Variants in LRRC27 observed in about 807,000 individuals in gnomAD.
LRRC27 encodes leucine rich repeat containing 27, also known as leucine-rich repeat-containing protein 27.
A neutral mutation model predicts 55.0 loss-of-function variants in LRRC27; 57 were observed. That is an observed-to-expected ratio of 1.04 (90% CI 0.84 to 1.29). The LOEUF (loss-of-function observed/expected upper bound fraction) is 1.29, where lower values mean the gene tolerates loss of function less well. Ranked by LOEUF, LRRC27 falls within the 50% of genes most tolerant of loss-of-function variation. The probability of loss-of-function intolerance (pLI) is 0.00; values close to 1 mark genes in which losing one functional copy is unlikely to be tolerated. For missense variants in LRRC27, 721 were observed against 651.5 expected (o/e 1.11, Z -1.16); for synonymous variants, 278 against 251.9 (o/e 1.10, Z -0.98).
intron 4 of LRRC27, among the ~76,000 whole-genome samples, chr10:132,344,163 A>G (rs569501528): frequency 2.6e-5 from 4 of 152,066 alleles, no homozygotes; most frequent in African/African-American, 7.2e-5. Flanking sequence ...TTTTCTTTGC[A>G]TGTCTGGTAG....
chr10:132,365,195 A>C (rs1444259312), intron 9 of LRRC27, among the ~76,000 whole-genome samples: 1 of 152,254 alleles, frequency 6.6e-6, no homozygotes, highest in Non-Finnish European at 1.5e-5. Flanking sequence ...GAACTACTGA[A>C]GAAGGGATGG....
intron 2 of LRRC27, chr10:132,337,039 G>A (rs964999027): frequency 5.5e-6 from 7 of 1,265,594 alleles, no homozygotes; most frequent in Non-Finnish European, 7.1e-6. Flanking sequence ...AATGCTGCTC[G>A]CTGAGGCTTT....
Position 132,375,750 on chromosome 10 carries a change from C to T in LRRC27, c.*508C>T, listed in dbSNP as rs544986342. Reference sequence around the variant, plus strand: ...TGCCCAGTGACAAGCCCTCCTTTCCCCTGGGGGCCCTCCTTTCCCCTGCTC... The same window carrying T: ...TGCCCAGTGACAAGCCCTCCTTTCCTCTGGGGGCCCTCCTTTCCCCTGCTC... On this transcript the variant is annotated 3_prime_UTR_variant, in exon 11 of 11. Transcript: ENST00000368614. 6.5e-6 allele frequency: 1 copy of T among 152,886 alleles called. No homozygotes were observed. The highest frequency in any genetic ancestry group is 1.5e-5 in the Non-Finnish European group (1 of 68,600). The allele number at this position is 152,886 out of a possible 1,614,324, so 9.5% of individuals were successfully genotyped here.
intron 7 of LRRC27, 49 bp downstream of exon 7, chr10:132,351,802 G>C: frequency 6.4e-7 from 1 of 1,558,736 alleles, no homozygotes; most frequent in Non-Finnish European, 8.7e-7. Flanking sequence ...AGTGCACCCG[G>C]AACTGGGACT....
At chr10:132,337,002 C>A in intron 2 of LRRC27, 1 of 970,698 alleles carries the variant, frequency 1.0e-6, no homozygotes, top group Non-Finnish European at 1.4e-6. Flanking sequence ...ACAACGCCAC[C>A]GAGTTGATGT....
At chr10:132,360,254 C>G (rs1443227097) in intron 8 of LRRC27, among the ~76,000 whole-genome samples, 2 of 152,182 alleles carry the variant, frequency 1.3e-5, no homozygotes, top group African/African-American at 4.8e-5. Flanking sequence ...CGCCACCACA[C>G]CTGGCTAATT....
At chr10:132,330,547 A>G, upstream of LRRC27, 1 of 715,262 alleles carries the variant, frequency 1.4e-6, no homozygotes, top group Non-Finnish European at 2.6e-6. Context: ...TCTCGCTGTC[A>G]CCGAAGCTGA....
intron 10 of LRRC27, among the ~76,000 whole-genome samples, chr10:132,373,138 A>G (rs1026413936): frequency 3.3e-5 from 5 of 152,248 alleles, no homozygotes; most frequent in Non-Finnish European, 5.9e-5. Context: ...GGTAACCCAG[A>G]AGAACTCCCA....
chr10:132,331,978 CG>C (rs949527955), upstream of LRRC27: 1 of 482,564 alleles, frequency 2.1e-6, no homozygotes, highest in African/African-American at 2.1e-5. Context: ...CGCCCCCTCC[CG>C]GGCAGGCGCA....
chr10:132,378,684 G>GT lies in LRRC27; in HGVS notation c.*3448dup. 1 of 152,296 alleles carries GT rather than the reference G, an allele frequency of 6.6e-6. No homozygotes were observed. Among genetic ancestry groups the GT allele is most frequent in the East Asian group, 1.9e-4 (1 of 5,184 alleles). The allele number at this position is 152,296 out of a possible 1,614,324, so 9.4% of individuals were successfully genotyped here. ...TGTGTCCCACAGAAAAACCCATGAG[G>GT]TTTTTTAACATTAAAAACAGCAGCT... is the stretch of plus-strand genomic sequence containing the variant. On this transcript the variant is annotated 3_prime_UTR_variant, in exon 11 of 11. Transcript: ENST00000368614.
chr10:132,357,121 G>A (rs1461725374), intron 8 of LRRC27, among the ~76,000 whole-genome samples: 4 of 152,254 alleles, frequency 2.6e-5, no homozygotes, highest in South Asian at 2.1e-4. Context: ...GTCTCCCCCC[G>A]GCCCAGCTTC....
rs868399615 is a variant in LRRC27, at chr10:132,363,992, C to T, written c.1290-1432C>T. 2.0e-5 allele frequency among the ~76,000 whole-genome samples: 3 copies of T among 152,014 alleles called. No individual in the cohort carries two copies. The South Asian group carries it at 6.2e-4, about 31-fold the overall frequency. ...TTCGTCTCAAACATTTGAATGTTCT[C>T]TTACATCCTCCAGGGAGTTTACCTG... On this transcript the variant is annotated intron_variant, in intron 9 of 10. Transcript: ENST00000368614.
intron 3 of LRRC27, among the ~76,000 whole-genome samples, chr10:132,339,640 A>T (rs1383260988): frequency 6.6e-6 from 1 of 152,188 alleles, no homozygotes; most frequent in Non-Finnish European, 1.5e-5. Context: ...GGAGGCTTCC[A>T]AGCCTGAGGC....
intron 2 of LRRC27, among the ~76,000 whole-genome samples, chr10:132,335,503 T>C (rs2067079892): frequency 6.7e-6 from 1 of 149,788 alleles, no homozygotes; most frequent in African/African-American, 2.5e-5. Context: ...TTCCTGGATG[T>C]CGTCTATTGG....
At position 132,337,576 on chromosome 10, in the gene LRRC27, G is replaced by A. The variant is rs2067196449; in HGVS notation, c.222G>A (p.Leu74=). The change falls in exon 3 of 11, where the codon CTG becomes CTA. Residue 74 remains leucine (L), a synonymous_variant. Coordinates refer to ENST00000368614, the MANE Select transcript of LRRC27 (RefSeq NM_030626.3). ...CTTTTCCATGGAAGCAATTGCATCT[G>A]CAAAGGAATGCCCTGTGTGTGATTC... ...FRIPSLQQLH[L]QRNALCVIPQ... 4 of 1,613,256 alleles carry A rather than the reference G, an allele frequency of 2.5e-6. No homozygotes were observed. In the Admixed American group the frequency reaches 6.7e-5, roughly 27 times the overall value.
chr10:132,338,055 C>T (rs971645452), intron 3 of LRRC27, among the ~76,000 whole-genome samples: 1 of 152,198 alleles, frequency 6.6e-6, no homozygotes, highest in Non-Finnish European at 1.5e-5. Context: ...GTGGCTCACG[C>T]GTGTAATCCC....
chr10:132,332,742 C>G (rs2066861235), intron 1 of LRRC27, among the ~76,000 whole-genome samples: 1 of 145,694 alleles, frequency 6.9e-6, no homozygotes, highest in Non-Finnish European at 1.6e-5. Context: ...CCCCAATTAA[C>G]TGCGCCCCTG....
intron 7 of LRRC27, chr10:132,353,443 C>CT: frequency 1.0e-6 from 1 of 1,002,700 alleles, no homozygotes; most frequent in Non-Finnish European, 1.2e-6. Context: ...GTGATAGGGG[C>CT]TGTGTCCAGC....
Position 132,374,905 on chromosome 10 carries a change from G to T in LRRC27, c.1417-161G>T, listed in dbSNP as rs775278993. On this transcript the variant is annotated intron_variant, in intron 10 of 10. Coordinates refer to ENST00000368614, the MANE Select transcript of LRRC27 (RefSeq NM_030626.3). This position sits in a 1 kb window ranked among gnomAD's most constrained non-coding sequence, Gnocchi z 4.4. The stretch of plus-strand genomic sequence containing the variant: ...GGCTGCTGGGCCCCATTGCAGGGGG[G>T]ACCGCGCCGTGATGCGGCTTGCAGG... Among the ~76,000 whole-genome samples the T allele has an allele frequency of 2.6e-5, 4 of 152,190 alleles. No homozygotes were observed. Among genetic ancestry groups the T allele is most frequent in the South Asian group, 2.1e-4 (1 of 4,836 alleles).
Sources: allele counts gnomAD v4.1 joint callset (sites outside exome capture counted in the v4.1 genomes callset), GRCh38; gene constraint gnomAD v4.1.1; non-coding constraint Gnocchi (gnomAD v3.1); transcripts MANE v1.5; gene names NCBI Gene and HGNC (gene_info 2026-07-23, HGNC 2026-07-21).